Variants in UBE2O observed in about 807,000 individuals in gnomAD.
The protein encoded by UBE2O is (E3-independent) E2 ubiquitin-conjugating enzyme.
UBE2O carries 15 observed loss-of-function variants against 125.8 expected under a neutral mutation model. That is an observed-to-expected ratio of 0.12 (90% CI 0.08 to 0.18). The LOEUF (loss-of-function observed/expected upper bound fraction) is 0.18. UBE2O is among the 10% of genes least tolerant of loss of function. UBE2O has a pLI of 1.00. For missense variants in UBE2O, 1,280 were observed against 1,723.6 expected, an observed-to-expected ratio of 0.74 and a Z score of 4.56; for synonymous variants, 708 against 703.2, an observed-to-expected ratio of 1.01 and a Z score of -0.11.
rs531149304 is a variant in UBE2O at position 76,391,720 on chromosome 17, T to G, written c.3208+36A>C. 1 of 1,612,632 alleles carries G rather than the reference T, an allele frequency of 6.2e-7. No homozygotes were observed. Among genetic ancestry groups the G allele is most frequent in the East Asian group, 2.2e-5 (1 of 44,842 alleles). On this transcript the variant is annotated intron_variant, in intron 17 of 17. Transcript: ENST00000319380. This position sits in a 1 kb window ranked among gnomAD's most constrained non-coding sequence, Gnocchi z 8.4. ...CAGAGTCACTTTCCTCCACCGGCCC[T>G]CCCTTGTCCGCACCCCCGCTTCAGC...
chr17:76,398,564 C>A lies in UBE2O; in HGVS notation c.1804G>T (p.Ala602Ser). The A allele has an allele frequency of 6.2e-7, 1 of 1,613,984 alleles. No individual in the cohort carries two copies. The stretch of plus-strand genomic sequence containing the variant: ...CCAGACTGTACCACACCGTAGACAG[C>A]AGGGTCTGGACAGCTCTGGACTAGG... The part of the protein sequence containing the change: ...DKRVQSCPDP[A>S]VYGVVQSGDH... The change falls in exon 11 of 18, where the codon GCT becomes TCT. Residue 602 changes from alanine to serine, a missense_variant. Transcript: ENST00000319380. This position sits in a 1 kb window ranked among gnomAD's most constrained non-coding sequence, Gnocchi z 5.4.
At chr17:76,443,863 C>CA (rs1173933807) in intron 1 of UBE2O, among the ~76,000 whole-genome samples, 1 of 151,882 alleles carries the variant, frequency 6.6e-6, no homozygotes, top group Non-Finnish European at 1.5e-5. Context: ...AGACAAAAGG[C>CA]AAAAAAGAGA....
At chr17:76,392,551 C>T (rs1337827027) in intron 15 of UBE2O, among the ~76,000 whole-genome samples, 1 of 152,094 alleles carries the variant, frequency 6.6e-6, no homozygotes, top group African/African-American at 2.4e-5. Flanking sequence ...AGCCCTGAGC[C>T]GTCACTGTGC....
At chr17:76,430,750 G>T in intron 1 of UBE2O, 1 of 238,318 alleles carries the variant, frequency 4.2e-6, no homozygotes. Context: ...CTGAAGGTCT[G>T]CTGAACTTCA....
chr17:76,405,312 C>T lies in UBE2O; in HGVS notation c.482G>A (p.Ser161Asn). ...GACGTCGATCACCGTGCCACACTGA[C>T]TGTCCTGGGGGAGGGAGGAGACATG... ...DVVRHMRSTD[S>N]QCGTVIDVNI... The change falls in exon 3 of 18, where the codon AGT becomes AAT. Residue 161 changes from serine (S) to asparagine (N), a missense_variant. Physicochemically the swap from Ser to Asn is conservative, Grantham distance 46. Coordinates refer to ENST00000319380, the MANE Select transcript of UBE2O (RefSeq NM_022066.4). The surrounding 1 kb of genome is among the most constrained non-coding windows in gnomAD (Gnocchi z 6.1). 2.5e-6 allele frequency: 4 copies of T among 1,610,204 alleles called. No individual in the cohort carries two copies. The highest frequency in any genetic ancestry group is 2.5e-6 in the Non-Finnish European group (3 of 1,177,146).
At chr17:76,421,782 T>C (rs1479746891) in intron 1 of UBE2O, among the ~76,000 whole-genome samples, 1 of 152,218 alleles carries the variant, frequency 6.6e-6, no homozygotes, top group Admixed American at 6.5e-5. Context: ...GGCCTTTCTT[T>C]CATGGAGTAA....
Position 76,391,344 on chromosome 17 carries a change from T to C in UBE2O, c.3478A>G (p.Asn1160Asp), listed in dbSNP as rs773957079. ...GAGCTGCTGGCCTTGGGCACCCCGT[T>C]GGGCAGTGCCTGGGCCTTCTCCAGC... ...ALLEKAQALP[N>D]GVPKASSSPE... The change falls in exon 18 of 18, where the codon AAC (asparagine) becomes GAC (aspartate). Residue 1160 changes from asparagine to aspartate, a missense_variant. Asn to Asp is a conservative substitution (Grantham distance 23, BLOSUM62 1). Around this residue, in one of 10 missense-constraint regions of UBE2O, gnomAD observed 233 missense variants for 279.0 expected, o/e 0.84. Coordinates refer to ENST00000319380, the MANE Select transcript of UBE2O (RefSeq NM_022066.4). The surrounding 1 kb of genome is among the most constrained non-coding windows in gnomAD (Gnocchi z 8.4). The C allele has an allele frequency of 1.2e-6, 2 of 1,613,172 alleles. No homozygotes were observed. Among genetic ancestry groups the C allele is most frequent in the South Asian group, 2.2e-5 (2 of 91,080 alleles).
Position 76,399,277 on chromosome 17 carries a change from C to G in UBE2O, c.1628+172G>C. The G allele has an allele frequency of 1.3e-6, 1 of 772,248 alleles. No individual in the cohort carries two copies. Among genetic ancestry groups the G allele is most frequent in the Non-Finnish European group, 2.1e-6 (1 of 485,634 alleles). The allele number at this position is 772,248 out of a possible 1,614,324, so 47.8% of individuals were successfully genotyped here. The stretch of plus-strand genomic sequence containing the variant: ...CCTCTGCACCACTCCTCAGTCTCTG[C>G]TTTCCACCAGGGCCTACCCCAGGCA... On this transcript the variant is annotated intron_variant, in intron 9 of 17. Coordinates refer to ENST00000319380, the MANE Select transcript of UBE2O (RefSeq NM_022066.4). This position sits in a 1 kb window ranked among gnomAD's most constrained non-coding sequence, Gnocchi z 6.9.
At chr17:76,392,685 G>GT (rs2072133770) in intron 15 of UBE2O, among the ~76,000 whole-genome samples, 1 of 151,800 alleles carries the variant, frequency 6.6e-6, no homozygotes, top group Admixed American at 6.6e-5. Context: ...GGGCGCGGTG[G>GT]TTCGTGCCTG....
chr17:76,407,786 G>A (rs1014762519), intron 1 of UBE2O, among the ~76,000 whole-genome samples: 4 of 152,230 alleles, frequency 2.6e-5, no homozygotes, highest in Non-Finnish European at 5.9e-5. Context: ...CCAGGAGAGG[G>A]AGGCTGGCAG....
At chr17:76,445,695 CAAATAACTTGGAGTAGA>C (rs1300808491) in intron 1 of UBE2O, among the ~76,000 whole-genome samples, 5 of 152,192 alleles carry the variant, frequency 3.3e-5, no homozygotes, top group African/African-American at 1.2e-4. Context: ...GAAACAAAGG[CAAATAACTTGGAGTAGA>C]TAAATCCAGA....
At chr17:76,433,539 C>T (rs1446752861) in intron 1 of UBE2O, among the ~76,000 whole-genome samples, 1 of 151,218 alleles carries the variant, frequency 6.6e-6, no homozygotes, top group African/African-American at 2.4e-5. Context: ...TTTGAGTATA[C>T]TAAAAACCAC....
Position 76,395,688 on chromosome 17 carries a change from C to T in UBE2O, c.2946+37G>A. 6.3e-7 allele frequency: 1 copy of T among 1,593,172 alleles called. No homozygotes were observed. The highest frequency in any genetic ancestry group is 8.5e-7 in the Non-Finnish European group (1 of 1,170,032). ...GCCTCTTGGGCACTGGGTGCCCACA[C>T]AGCACATCTGCACCTGCCCATGCCA... On this transcript the variant is annotated intron_variant, in intron 15 of 17. Transcript: ENST00000319380. The surrounding 1 kb of genome is among the most constrained non-coding windows in gnomAD (Gnocchi z 5.0).
At chr17:76,439,731 G>A (rs889894231) in intron 1 of UBE2O, among the ~76,000 whole-genome samples, 3 of 152,088 alleles carry the variant, frequency 2.0e-5, no homozygotes, top group Non-Finnish European at 4.4e-5. Context: ...GCCTTTATGC[G>A]CACTGGACTT....
Position 76,452,804 on chromosome 17 carries a change from C to T in UBE2O, c.338G>A (p.Arg113Gln), listed in dbSNP as rs759497833. 6 of 1,517,894 alleles carry T rather than the reference C, an allele frequency of 4.0e-6. No individual in the cohort carries two copies. In the Admixed American group the frequency reaches 8.5e-5, roughly 21 times the overall value. The allele number at this position is 1,517,894 out of a possible 1,614,324, so 94.0% of individuals were successfully genotyped here. ...EAGGAGHEEG[R>Q]ASPLRRGYVR... ...GTAGCCGCGGCGCAGGGGGCTGGCC[C>T]GGCCCTCCTCGTGGCCCGCGCCCCC... Residue 113 changes from arginine to glutamine, a missense_variant, in exon 1 of 18, where the codon CGG (arginine) becomes CAG (glutamine). Physicochemically the swap from Arg to Gln is conservative, Grantham distance 43. This residue lies in a region of UBE2O where 188 missense variants were observed against 192.5 expected (regional missense o/e 0.98). Transcript: ENST00000319380. This position sits in a 1 kb window ranked among gnomAD's most constrained non-coding sequence, Gnocchi z 4.4.
intron 1 of UBE2O, among the ~76,000 whole-genome samples, chr17:76,440,445 A>G (rs1482032631): frequency 3.9e-5 from 6 of 152,154 alleles, no homozygotes; most frequent in African/African-American, 1.2e-4. Context: ...CTCTCACCTC[A>G]GCCTACTGAG....
chr17:76,416,024 C>A (rs527293413), intron 1 of UBE2O, among the ~76,000 whole-genome samples: 5 of 144,686 alleles, frequency 3.5e-5, no homozygotes, highest in African/African-American at 1.3e-4. Flanking sequence ...CATATGTACA[C>A]ACACGTATAT....
At chr17:76,393,043 G>C (rs1311525698) in intron 15 of UBE2O, among the ~76,000 whole-genome samples, 1 of 151,776 alleles carries the variant, frequency 6.6e-6, no homozygotes, top group African/African-American at 2.4e-5. Context: ...AGGACTGCTT[G>C]AGGCCAGGAG....
At chr17:76,426,584 T>C (rs2072814292) in intron 1 of UBE2O, among the ~76,000 whole-genome samples, 1 of 152,248 alleles carries the variant, frequency 6.6e-6, no homozygotes, top group African/African-American at 2.4e-5. Context: ...ACACTATTTC[T>C]ATTCTTTTGG....
Sources: allele counts gnomAD v4.1 joint callset (sites outside exome capture counted in the v4.1 genomes callset), GRCh38; gene constraint gnomAD v4.1.1; regional missense constraint gnomAD v4.1.1; non-coding constraint Gnocchi (gnomAD v3.1); transcripts MANE v1.5; gene names NCBI Gene and HGNC (gene_info 2026-07-23, HGNC 2026-07-21).